Variants in CA10 observed in about 807,000 individuals in gnomAD.
CA10 encodes carbonic anhydrase-related protein 10.
In CA10, 14 loss-of-function variants were observed where a neutral mutation model predicts 44.2. The ratio of observed to expected loss-of-function variants is 0.32; its 90% CI spans 0.21 to 0.50. The LOEUF is 0.50. Among genes scored for constraint, CA10 ranks in the 20% least tolerant of loss-of-function variants. The pLI is 0.99. For missense variants in CA10, 350 were observed against 409.7 expected (o/e 0.85, Z 1.26); for synonymous variants, 159 against 141.6 (o/e 1.12, Z -0.87).
chr17:51,732,254 G>GC (rs1236763459), intron 4 of CA10, among the ~76,000 whole-genome samples: 49 of 152,224 alleles, frequency 3.2e-4, no homozygotes, highest in Non-Finnish European at 2.9e-5. Context: ...GCTGTGATGT[G>GC]CCACTGAGTC....
chr17:51,722,669 G>A (rs972123984), intron 4 of CA10, among the ~76,000 whole-genome samples: 1 of 152,120 alleles, frequency 6.6e-6, no homozygotes, highest in African/African-American at 2.4e-5. Context: ...GCCTTGGGAG[G>A]ACATTTCAAC....
chr17:52,030,732 A>G (rs1308780594), intron 2 of CA10, among the ~76,000 whole-genome samples: 1 of 152,192 alleles, frequency 6.6e-6, no homozygotes, highest in African/African-American at 2.4e-5. Context: ...CAGAAAAGGC[A>G]AATGTGTCAA....
chr17:52,085,285 C>T (rs898521336), intron 1 of CA10, among the ~76,000 whole-genome samples: 3 of 152,170 alleles, frequency 2.0e-5, no homozygotes, highest in Admixed American at 1.3e-4. Flanking sequence ...TTATAGTGGC[C>T]TAATAACTGG....
At chr17:51,766,311 G>T (rs1017472648) in intron 3 of CA10, among the ~76,000 whole-genome samples, 3 of 152,208 alleles carry the variant, frequency 2.0e-5, no homozygotes, top group African/African-American at 7.2e-5. Context: ...AATTCCACAA[G>T]TCTCCATGTG....
At chr17:52,026,881 C>T (rs765626915) in intron 2 of CA10, among the ~76,000 whole-genome samples, 5 of 151,932 alleles carry the variant, frequency 3.3e-5, no homozygotes, top group African/African-American at 9.7e-5. Context: ...ATTTCTGGCA[C>T]GAGGAACCAG....
At chr17:51,802,586 A>AAAG (rs1906977177) in intron 3 of CA10, among the ~76,000 whole-genome samples, 1 of 141,020 alleles carries the variant, frequency 7.1e-6, no homozygotes. Flanking sequence ...AAAAAAAAAA[A>AAAG]AACAACCAGA....
chr17:51,976,020 A>T (rs1984451249), intron 2 of CA10, among the ~76,000 whole-genome samples: 1 of 152,210 alleles, frequency 6.6e-6, no homozygotes, highest in Admixed American at 6.5e-5. Context: ...AGTTATATAG[A>T]TACCTTACAA....
chr17:51,942,043 T>C (rs1344238910), intron 2 of CA10, among the ~76,000 whole-genome samples: 3 of 152,150 alleles, frequency 2.0e-5, no homozygotes, highest in Non-Finnish European at 4.4e-5. Context: ...CACATATTAA[T>C]AACTGTATAT....
At chr17:51,656,638 C>T (rs1913803034) in intron 4 of CA10, among the ~76,000 whole-genome samples, 1 of 152,164 alleles carries the variant, frequency 6.6e-6, no homozygotes, top group African/African-American at 2.4e-5. Context: ...TTCTTTCTGA[C>T]CCCCAGTCAG....
intron 1 of CA10, among the ~76,000 whole-genome samples, chr17:52,130,174 G>C (rs1989202925): frequency 6.6e-6 from 1 of 152,116 alleles, no homozygotes; most frequent in African/African-American, 2.4e-5. Flanking sequence ...TGAGGATATG[G>C]AGAAAAGGGA....
At chr17:51,890,114 C>A (rs955260160) in intron 3 of CA10, among the ~76,000 whole-genome samples, 28 of 152,168 alleles carry the variant, frequency 1.8e-4, no homozygotes, top group African/African-American at 6.3e-4. Context: ...CATTAATGTG[C>A]CAATGGCTTA....
intron 3 of CA10, among the ~76,000 whole-genome samples, chr17:51,749,717 C>T (rs1439619361): frequency 1.3e-5 from 2 of 152,170 alleles, no homozygotes; most frequent in African/African-American, 2.4e-5. Flanking sequence ...ACTGCAAGGT[C>T]GCCTGAGTGC....
At chr17:52,100,186 G>A (rs980602818) in intron 1 of CA10, among the ~76,000 whole-genome samples, 1 of 152,102 alleles carries the variant, frequency 6.6e-6, no homozygotes, top group African/African-American at 2.4e-5. Flanking sequence ...GATGATTCAG[G>A]AATAAAGGAA....
At chr17:51,688,948 A>G (rs951393730) in intron 4 of CA10, among the ~76,000 whole-genome samples, 4 of 152,194 alleles carry the variant, frequency 2.6e-5, no homozygotes, top group African/African-American at 7.2e-5. Flanking sequence ...GACTCATGTA[A>G]TTGTTACAAT....
At chr17:51,905,197 C>T (rs753395371) in intron 3 of CA10, among the ~76,000 whole-genome samples, 15 of 152,238 alleles carry the variant, frequency 9.9e-5, no homozygotes, top group South Asian at 2.1e-4. Flanking sequence ...TTGCAGTTGA[C>T]GCTTCCCTGT....
At chr17:52,017,837 C>A (rs142033477) in intron 2 of CA10, among the ~76,000 whole-genome samples, 4 of 152,180 alleles carry the variant, frequency 2.6e-5, no homozygotes, top group African/African-American at 9.6e-5. Context: ...AGGCATTTCA[C>A]AAGTTTCTGA....
Position 51,929,990 on chromosome 17 carries a change from T to A in CA10, c.279+1000A>T, listed in dbSNP as rs141153048. On this transcript the variant is annotated intron_variant, in intron 3 of 8. Coordinates refer to ENST00000451037, the MANE Select transcript of CA10 (RefSeq NM_020178.5). ...AAGTCACTTACAGCTTTTTGATGAG[T>A]CATTAGGGGTGTGTGTATCTGTGAC... Among the ~76,000 whole-genome samples, 608 of 152,240 alleles carry A rather than the reference T, an allele frequency of 4.0e-3. 3 individuals carry two copies. The highest frequency in any genetic ancestry group is 0.014 in the African/African-American group (575 of 41,538).
intron 4 of CA10, among the ~76,000 whole-genome samples, chr17:51,655,373 AGT>A (rs1913752271): frequency 1.3e-5 from 2 of 152,360 alleles, no homozygotes; most frequent in South Asian, 4.1e-4. Context: ...TGCATGTAGA[AGT>A]GATTTGTGAC....
At chr17:51,735,886 A>G (rs551751932) in intron 4 of CA10, among the ~76,000 whole-genome samples, 175 of 147,500 alleles carry the variant, frequency 1.2e-3, no homozygotes, top group Non-Finnish European at 2.3e-3. Context: ...CAGGAAAGGC[A>G]AAACTCTAGT....
Sources: gnomAD v4.1 joint callset for allele counts (sites outside exome capture counted in the v4.1 genomes callset) on GRCh38, gnomAD v4.1.1 for gene constraint, MANE v1.5 for transcripts, NCBI Gene and HGNC (gene_info 2026-07-23, HGNC 2026-07-21) for gene names.